Variants in NRXN1 observed in about 807,000 individuals in gnomAD.
NRXN1 encodes neurexin 1, also known as neurexin-1.
Under a neutral mutation model 150.9 loss-of-function variants are expected in NRXN1, and 39 were observed. The ratio of observed to expected loss-of-function variants is 0.26; its 90% CI spans 0.20 to 0.34. NRXN1 has a LOEUF of 0.34. NRXN1 is among the 10% of genes least tolerant of loss of function. The pLI, the probability that NRXN1 is intolerant of heterozygous loss-of-function variation, is 1.00. For synonymous variants in NRXN1, 924 were observed against 757.0 expected, an observed-to-expected ratio of 1.22 and a Z score of -3.62; for missense variants, 1,815 against 1,949.9, an observed-to-expected ratio of 0.93 and a Z score of 1.30.
chr2:50,408,857 CT>C (rs2082944758), intron 17 of NRXN1, among the ~76,000 whole-genome samples: 1 of 151,724 alleles, frequency 6.6e-6, no homozygotes, highest in Non-Finnish European at 1.5e-5. Flanking sequence ...CTCTCTCTCT[CT>C]CTCTCTCTCT....
At chr2:50,414,414 C>T (rs2083397664) in intron 17 of NRXN1, among the ~76,000 whole-genome samples, 1 of 151,372 alleles carries the variant, frequency 6.6e-6, no homozygotes, top group Non-Finnish European at 1.5e-5. Flanking sequence ...CGAAATATAC[C>T]CCATAAATAT....
At chr2:50,708,324 G>A (rs2105019688) in intron 5 of NRXN1, among the ~76,000 whole-genome samples, 1 of 152,288 alleles carries the variant, frequency 6.6e-6, no homozygotes, top group East Asian at 1.9e-4. Flanking sequence ...TAACTAAAGA[G>A]AATGCACAGG....
rs546633689 is a variant in NRXN1 at position 50,295,091 on chromosome 2, C to T, written c.3365-58121G>A. ...ATGAATCATACATATTTCCTATGTT[C>T]CATTTTCTGACTCTGTTCTTTTTCC... is the stretch of plus-strand genomic sequence containing the variant. On this transcript the variant is annotated intron_variant, in intron 17 of 22. Transcript: ENST00000401669. Among the ~76,000 whole-genome samples the T allele has an allele frequency of 7.9e-5, 12 of 152,270 alleles. No individual in the cohort carries two copies. The South Asian group carries it at 2.1e-3, about 26-fold the overall frequency.
intron 5 of NRXN1, among the ~76,000 whole-genome samples, chr2:50,698,836 T>C (rs1313817020): frequency 6.6e-6 from 1 of 152,218 alleles, no homozygotes; most frequent in Non-Finnish European, 1.5e-5. Context: ...GTTTATGAAA[T>C]GTCTGTCTGT....
At chr2:50,602,710 A>G (rs1469922709) in intron 8 of NRXN1, among the ~76,000 whole-genome samples, 2 of 152,138 alleles carry the variant, frequency 1.3e-5, no homozygotes, top group Admixed American at 6.5e-5. Flanking sequence ...AAAAGGGAAC[A>G]TGTATTCTGG....
intron 5 of NRXN1, among the ~76,000 whole-genome samples, chr2:50,819,065 C>T (rs1669332888): frequency 6.6e-6 from 1 of 152,128 alleles, no homozygotes; most frequent in Non-Finnish European, 1.5e-5. Flanking sequence ...AACCCTTGTG[C>T]ACTTTTGGTG....
At chr2:50,708,127 C>G (rs533994813) in intron 5 of NRXN1, among the ~76,000 whole-genome samples, 2 of 152,092 alleles carry the variant, frequency 1.3e-5, no homozygotes, top group Non-Finnish European at 2.9e-5. Context: ...CTGGCCAACA[C>G]TCAAGATTAG....
intron 5 of NRXN1, among the ~76,000 whole-genome samples, chr2:50,667,111 G>A (rs997367727): frequency 1.3e-5 from 2 of 151,770 alleles, no homozygotes; most frequent in Non-Finnish European, 2.9e-5. Context: ...ATGAACTTGT[G>A]CTTTTATTCT....
intron 17 of NRXN1, among the ~76,000 whole-genome samples, chr2:50,254,173 A>C (rs2067452779): frequency 6.6e-6 from 1 of 151,614 alleles, no homozygotes; most frequent in African/African-American, 2.4e-5. Context: ...ATTTATCCAT[A>C]TTCTCTAGAT....
chr2:50,516,549 G>C (rs10191072), intron 12 of NRXN1, among the ~76,000 whole-genome samples: 131,953 of 152,120 alleles, frequency 0.87, 57,548 homozygotes, highest in African/African-American at 0.94. Flanking sequence ...GCTGTCTCAG[G>C]CTTGTTTTGC....
At chr2:50,431,038 A>C (rs1291376911) in intron 17 of NRXN1, among the ~76,000 whole-genome samples, 1 of 151,890 alleles carries the variant, frequency 6.6e-6, no homozygotes, top group East Asian at 1.9e-4. Flanking sequence ...TCCATATTAT[A>C]CTCTTCTTGT....
chr2:50,165,338 C>T (rs1195712560), intron 18 of NRXN1, among the ~76,000 whole-genome samples: 1 of 151,954 alleles, frequency 6.6e-6, no homozygotes, highest in East Asian at 1.9e-4. Flanking sequence ...CTGGATGAAG[C>T]CTCAGCACTA....
intron 18 of NRXN1, among the ~76,000 whole-genome samples, chr2:50,193,017 G>C (rs1175058117): frequency 6.6e-6 from 1 of 152,210 alleles, no homozygotes; most frequent in East Asian, 1.9e-4. Flanking sequence ...AAATAGTCTT[G>C]AACTCAATCT....
rs1475798189 is a variant in NRXN1 at position 49,921,748 on chromosome 2, T to C, written c.*196A>G. 1 of 600,668 alleles carries C rather than the reference T, an allele frequency of 1.7e-6. No homozygotes were observed. The highest frequency in any genetic ancestry group is 2.2e-5 in the South Asian group (1 of 45,030). 37.2% of individuals were successfully genotyped at this position (600,668 alleles called of 1,614,324 possible). On this transcript the variant is annotated 3_prime_UTR_variant, in exon 23 of 23. Coordinates refer to ENST00000401669, the MANE Select transcript of NRXN1 (RefSeq NM_001330078.2). The stretch of plus-strand genomic sequence containing the variant: ...AGGGAATTTATTGGCCCCTGTTTTT[T>C]GTTTTTTGTTTTTCTTTTTTGAGAA...
chr2:50,168,842 G>A (rs751661510), intron 18 of NRXN1, among the ~76,000 whole-genome samples: 8 of 152,158 alleles, frequency 5.3e-5, no homozygotes, highest in Non-Finnish European at 1.0e-4. Flanking sequence ...TGGTGATTTC[G>A]TCTTCCATTT....
intron 12 of NRXN1, among the ~76,000 whole-genome samples, chr2:50,518,447 T>A (rs1013002966): frequency 6.6e-6 from 1 of 151,948 alleles, no homozygotes; most frequent in African/African-American, 2.4e-5. Context: ...GAAAATGTAT[T>A]CAGTGTTTGT....
chr2:50,399,780 G>T (rs2082277375), intron 17 of NRXN1, among the ~76,000 whole-genome samples: 1 of 77,362 alleles, frequency 1.3e-5, no homozygotes, highest in Non-Finnish European at 2.4e-5. Flanking sequence ...TCTGTAACGA[G>T]AGAACTGGTA....
chr2:50,841,442 G>A (rs563778674), intron 5 of NRXN1, among the ~76,000 whole-genome samples: 1 of 152,174 alleles, frequency 6.6e-6, no homozygotes, highest in African/African-American at 2.4e-5. Context: ...ATCCTCCTCT[G>A]GAATCCAGAC....
chr2:49,969,335 A>G (rs114358574), intron 21 of NRXN1, among the ~76,000 whole-genome samples: 259 of 152,206 alleles, frequency 1.7e-3, no homozygotes, highest in African/African-American at 5.9e-3. Flanking sequence ...TAACTGGTCC[A>G]AAAAGCACAT....
Sources: gnomAD v4.1 joint callset for allele counts (sites outside exome capture counted in the v4.1 genomes callset) on GRCh38, gnomAD v4.1.1 for gene constraint, MANE v1.5 for transcripts, NCBI Gene and HGNC (gene_info 2026-07-23, HGNC 2026-07-21) for gene names.